Variants in GRM1 observed in about 807,000 individuals in gnomAD.
The protein encoded by GRM1 is glutamate metabotropic receptor 1, also known as metabotropic glutamate receptor 1.
A neutral mutation model predicts 90.9 loss-of-function variants in GRM1; 33 were observed. The ratio of observed to expected loss-of-function variants is 0.36; its 90% confidence interval spans 0.28 to 0.49. The LOEUF is 0.49. GRM1 is among the 20% of genes least tolerant of loss of function. The probability of loss-of-function intolerance (pLI) is 0.99; values close to 1 mark genes in which losing one functional copy is unlikely to be tolerated. For missense variants in GRM1, 1,190 were observed against 1,534.3 expected, an observed-to-expected ratio of 0.78 and a Z score of 3.75; for synonymous variants, 700 against 613.2, an observed-to-expected ratio of 1.14 and a Z score of -2.09.
chr6:146,073,008 C>T (rs1776065570), intron 1 of GRM1, among the ~76,000 whole-genome samples: 1 of 152,102 alleles, frequency 6.6e-6, no homozygotes. Flanking sequence ...GATGCTTACA[C>T]TCTTAGGTAA....
chr6:146,375,503 C>T (rs762426869), intron 5 of GRM1, among the ~76,000 whole-genome samples: 8 of 151,882 alleles, frequency 5.3e-5, no homozygotes, highest in Non-Finnish European at 1.2e-4. Flanking sequence ...GTTGAAATCT[C>T]CAGTCATTAT....
At chr6:146,391,070 T>C (rs755052970) in intron 6 of GRM1, among the ~76,000 whole-genome samples, 2 of 152,124 alleles carry the variant, frequency 1.3e-5, no homozygotes, top group African/African-American at 4.8e-5. Flanking sequence ...ATTGCAAATG[T>C]TATGAATTAC....
At chr6:146,352,160 T>C in intron 3 of GRM1, 90 bp from the exon 4 acceptor site, 5 of 1,369,256 alleles carry the variant, frequency 3.7e-6, no homozygotes, top group Non-Finnish European at 4.2e-6. Context: ...TCCCTTCCTC[T>C]GAGAACCCCC....
intron 3 of GRM1, among the ~76,000 whole-genome samples, chr6:146,325,348 A>T (rs2114981177): frequency 6.6e-6 from 1 of 152,364 alleles, no homozygotes; most frequent in East Asian, 1.9e-4. Context: ...GAGCAGTTGT[A>T]GAATTTCCTT....
intron 2 of GRM1, among the ~76,000 whole-genome samples, chr6:146,228,892 A>G (rs1244684975): frequency 1.3e-5 from 2 of 151,942 alleles, no homozygotes; most frequent in African/African-American, 4.8e-5. Context: ...CTTTATTGTG[A>G]TCTGCTTACT....
At chr6:146,212,131 G>C (rs1779705272) in intron 2 of GRM1, among the ~76,000 whole-genome samples, 1 of 152,128 alleles carries the variant, frequency 6.6e-6, no homozygotes, top group South Asian at 2.1e-4. Context: ...CAATTGTCTA[G>C]GAGAATTCCC....
At chr6:146,430,794 T>C (rs567300095) in intron 7 of GRM1, among the ~76,000 whole-genome samples, 60 of 152,338 alleles carry the variant, frequency 3.9e-4, no homozygotes, top group African/African-American at 1.4e-3. Context: ...CTATTATTAC[T>C]AAATATACCT....
At chr6:146,411,481 C>A (rs1407455663) in intron 7 of GRM1, among the ~76,000 whole-genome samples, 1 of 152,160 alleles carries the variant, frequency 6.6e-6, no homozygotes, top group East Asian at 1.9e-4. Context: ...TGAGCTTGGA[C>A]CTTATCTTCT....
intron 2 of GRM1, 89 bp from the exon 3 acceptor site, chr6:146,304,522 C>T: frequency 1.1e-6 from 1 of 930,290 alleles, no homozygotes; most frequent in East Asian, 2.6e-5. Flanking sequence ...GTAGCCTTTT[C>T]TGGATTGCTT....
chr6:146,299,100 T>G (rs1049683592), intron 2 of GRM1, among the ~76,000 whole-genome samples: 1 of 152,202 alleles, frequency 6.6e-6, no homozygotes, highest in Non-Finnish European at 1.5e-5. Flanking sequence ...TGCCTTCATG[T>G]AGCTCAGATC....
chr6:146,304,411 T>C (rs903208083), intron 2 of GRM1, among the ~76,000 whole-genome samples, 200 bp from the exon 3 acceptor site: 9 of 152,196 alleles, frequency 5.9e-5, no homozygotes, highest in Non-Finnish European at 5.9e-5. Flanking sequence ...CTTTCACAAT[T>C]GTGAAAAACA....
At chr6:146,294,785 T>G (rs1783118633) in intron 2 of GRM1, among the ~76,000 whole-genome samples, 1 of 152,216 alleles carries the variant, frequency 6.6e-6, no homozygotes, top group Non-Finnish European at 1.5e-5. Context: ...CTGACTTTCT[T>G]TATTCCTAAT....
At chr6:146,299,603 C>T (rs1231452959) in intron 2 of GRM1, among the ~76,000 whole-genome samples, 2 of 152,176 alleles carry the variant, frequency 1.3e-5, no homozygotes, top group Non-Finnish European at 2.9e-5. Context: ...CTATTCCCAA[C>T]AATACATGGC....
intron 2 of GRM1, among the ~76,000 whole-genome samples, chr6:146,252,858 G>A (rs1583225248): frequency 1.3e-5 from 2 of 151,780 alleles, no homozygotes; most frequent in Non-Finnish European, 2.9e-5. Flanking sequence ...TTAAGAGATC[G>A]AGACCATCCT....
chr6:146,419,748 C>A (rs1256777118), intron 7 of GRM1, among the ~76,000 whole-genome samples: 1 of 152,190 alleles, frequency 6.6e-6, no homozygotes, highest in African/African-American at 2.4e-5. Context: ...AAGTGCCACA[C>A]ACCTTCAAAC....
intron 3 of GRM1, among the ~76,000 whole-genome samples, chr6:146,345,251 C>A (rs1785139181): frequency 6.6e-6 from 1 of 152,158 alleles, no homozygotes; most frequent in South Asian, 2.1e-4. Flanking sequence ...CATATTAATT[C>A]TAGGAAAACA....
At chr6:146,197,286 A>G (rs969102365) in intron 2 of GRM1, among the ~76,000 whole-genome samples, 2 of 152,204 alleles carry the variant, frequency 1.3e-5, no homozygotes, top group African/African-American at 2.4e-5. Flanking sequence ...CCAAGGTGAA[A>G]TGTTTTCAAA....
At chr6:146,158,113 T>C (rs1341402403) in intron 1 of GRM1, among the ~76,000 whole-genome samples, 1 of 152,184 alleles carries the variant, frequency 6.6e-6, no homozygotes, top group Non-Finnish European at 1.5e-5. Context: ...AATAAAACCA[T>C]TCAGCAAGGT....
At chr6:146,193,672 A>T (rs1779007901) in intron 2 of GRM1, among the ~76,000 whole-genome samples, 1 of 152,206 alleles carries the variant, frequency 6.6e-6, no homozygotes, top group Admixed American at 6.5e-5. Context: ...TTATAATGCA[A>T]TACATTTTTT....
Sources: gnomAD v4.1 joint callset for allele counts (sites outside exome capture counted in the v4.1 genomes callset) on GRCh38, gnomAD v4.1.1 for gene constraint, MANE v1.5 for transcripts, NCBI Gene and HGNC (gene_info 2026-07-23, HGNC 2026-07-21) for gene names.